PPP1R9A: variants seen among roughly 807,000 people sequenced by gnomAD.
PPP1R9A encodes neurabin-1.
Under a neutral mutation model 141.9 loss-of-function variants are expected in PPP1R9A, and 59 were observed. The observed-to-expected ratio is 0.42, with a 90% CI of 0.34 to 0.52. The LOEUF is 0.52. PPP1R9A is among the 20% of genes least tolerant of loss of function. PPP1R9A has a pLI of 0.10. For synonymous variants in PPP1R9A, 500 were observed against 569.7 expected (o/e 0.88, Z 1.74); for missense variants, 1,444 against 1,611.9 (o/e 0.90, Z 1.78).
chr7:94,977,115 G>C lies in PPP1R9A; in HGVS notation c.1395+65607G>C, dbSNP rs566282059. 4.6e-5 allele frequency among the ~76,000 whole-genome samples: 7 copies of C among 152,280 alleles called. No individual in the cohort carries two copies. The South Asian group carries it at 1.4e-3, about 32-fold the overall frequency. On this transcript the variant is annotated intron_variant, in intron 2 of 19. Transcript: ENST00000433360. ...CTGAAGGATATGGGGGCTTGTGGGAGTAAGAGGGGATCAAGGATATGGTTT... is the reference window on the plus strand; with the variant it reads ...CTGAAGGATATGGGGGCTTGTGGGACTAAGAGGGGATCAAGGATATGGTTT...
intron 7 of PPP1R9A, among the ~76,000 whole-genome samples, chr7:95,224,214 A>G (rs1794833264): frequency 6.6e-6 from 1 of 152,082 alleles, no homozygotes; most frequent in South Asian, 2.1e-4. Context: ...TACTCAGGAG[A>G]TACATAGGAT....
At chr7:95,098,367 A>T (rs1452303942) in intron 2 of PPP1R9A, 1 of 149,908 alleles carries the variant, frequency 6.7e-6, no homozygotes, top group Middle Eastern at 3.4e-3. Flanking sequence ...CTTTATGGAG[A>T]CTGAATAAAA....
chr7:95,138,305 A>T (rs572526237), intron 4 of PPP1R9A, among the ~76,000 whole-genome samples: 1 of 152,350 alleles, frequency 6.6e-6, no homozygotes, highest in Non-Finnish European at 1.5e-5. Flanking sequence ...GTGCTAGAAC[A>T]ATTAGATACC....
At chr7:95,007,961 A>G (rs1043432354) in intron 2 of PPP1R9A, among the ~76,000 whole-genome samples, 8 of 152,114 alleles carry the variant, frequency 5.3e-5, no homozygotes, top group Non-Finnish European at 8.8e-5. Context: ...AATCCCAGCT[A>G]CTCAGAAGGC....
Position 95,062,639 on chromosome 7 carries a change from C to T in PPP1R9A, c.1396-48620C>T, listed in dbSNP as rs182948009. On this transcript the variant is annotated intron_variant, in intron 2 of 19. Coordinates refer to ENST00000433360, the MANE Select transcript of PPP1R9A (RefSeq NM_001166160.2). ...CTGACCTCAGGTGATCTGCCCGCCT[C>T]GGCCTCCCAAAGTGCTGGGATTACA... Among the ~76,000 whole-genome samples the T allele has an allele frequency of 5.8e-3, 875 of 151,944 alleles. 9 individuals carry two copies. The highest frequency in any genetic ancestry group is 0.019 in the African/African-American group (806 of 41,444).
rs769502000 is a variant in PPP1R9A at position 94,910,897 on chromosome 7, A to G, written c.784A>G (p.Asn262Asp). The change falls in exon 2 of 20, where the codon AAC becomes GAC. Residue 262 changes from asparagine to aspartate, a missense_variant. Around this residue, in one of 5 missense-constraint regions of PPP1R9A, gnomAD observed 490 missense variants for 521.1 expected, o/e 0.94. Coordinates refer to ENST00000433360, the MANE Select transcript of PPP1R9A (RefSeq NM_001166160.2). The surrounding 1 kb of genome is among the most constrained non-coding windows in gnomAD (Gnocchi z 4.5). The part of the protein sequence containing the change: ...LKDSNSWPPS[N>D]KRGVDTEDAH... ...GGATTCTAATTCCTGGCCTCCTTCA[A>G]ACAAGCGAGGTGTTGATACAGAGGA... The G allele has an allele frequency of 6.2e-7, 1 of 1,614,076 alleles. No individual in the cohort carries two copies. The highest frequency in any genetic ancestry group is 2.2e-5 in the East Asian group (1 of 44,878).
chr7:95,118,819 A>AC (rs1326549542), intron 3 of PPP1R9A, among the ~76,000 whole-genome samples: 8 of 150,270 alleles, frequency 5.3e-5, no homozygotes, highest in Non-Finnish European at 1.0e-4. Context: ...AAAAAAAAAA[A>AC]AAAAACACAA....
intron 2 of PPP1R9A, among the ~76,000 whole-genome samples, chr7:95,055,168 A>T (rs770745853): frequency 6.6e-6 from 1 of 152,148 alleles, no homozygotes. Context: ...CATAAAATAA[A>T]TGTTTGGGAA....
intron 2 of PPP1R9A, among the ~76,000 whole-genome samples, chr7:95,105,946 A>G (rs1344945890): frequency 6.6e-6 from 1 of 152,134 alleles, no homozygotes; most frequent in Non-Finnish European, 1.5e-5. Flanking sequence ...CTAGTGGGTG[A>G]TATATTCAAA....
chr7:94,998,460 C>T (rs1036941126), intron 2 of PPP1R9A, among the ~76,000 whole-genome samples: 27 of 152,042 alleles, frequency 1.8e-4, no homozygotes, highest in Non-Finnish European at 3.5e-4. Flanking sequence ...GAAATAAGAC[C>T]TCTTATATCC....
intron 2 of PPP1R9A, among the ~76,000 whole-genome samples, chr7:95,034,345 ATATTC>A (rs953824776): frequency 2.0e-5 from 3 of 152,152 alleles, no homozygotes; most frequent in African/African-American, 7.2e-5. Context: ...AATTAAAAAA[ATATTC>A]TAAGCAATAC....
At chr7:95,168,273 CCAAGA>C (rs1265543211) in intron 5 of PPP1R9A, among the ~76,000 whole-genome samples, 1 of 151,912 alleles carries the variant, frequency 6.6e-6, no homozygotes, top group East Asian at 1.9e-4. Flanking sequence ...GACAAAGACA[CCAAGA>C]ACATACATTG....
chr7:94,953,422 G>C (rs1796702726), intron 2 of PPP1R9A, among the ~76,000 whole-genome samples: 1 of 152,080 alleles, frequency 6.6e-6, no homozygotes, highest in Non-Finnish European at 1.5e-5. Flanking sequence ...TTTTTGCTTA[G>C]GATTGTCTTG....
At chr7:95,252,759 C>T (rs189946068) in intron 12 of PPP1R9A, among the ~76,000 whole-genome samples, 7 of 152,222 alleles carry the variant, frequency 4.6e-5, no homozygotes, top group East Asian at 1.9e-4. Flanking sequence ...TGAGCCACCG[C>T]GCCCAGCCAA....
chr7:95,218,128 A>G (rs1270819056), intron 7 of PPP1R9A, among the ~76,000 whole-genome samples: 1 of 152,084 alleles, frequency 6.6e-6, no homozygotes, highest in Non-Finnish European at 1.5e-5. Flanking sequence ...ATTTCCTTCT[A>G]CACACTGCAA....
At chr7:95,177,535 A>G (rs1444508642) in intron 5 of PPP1R9A, among the ~76,000 whole-genome samples, 2 of 152,140 alleles carry the variant, frequency 1.3e-5, no homozygotes, top group Non-Finnish European at 2.9e-5. Context: ...ACACATCTCA[A>G]TACTAACATT....
chr7:94,961,373 G>T (rs933468102), intron 2 of PPP1R9A, among the ~76,000 whole-genome samples: 2 of 151,378 alleles, frequency 1.3e-5, no homozygotes, highest in African/African-American at 4.8e-5. Context: ...CCAGTAGGTT[G>T]AGTATACTAG....
intron 2 of PPP1R9A, among the ~76,000 whole-genome samples, chr7:94,997,677 C>T (rs1802368708): frequency 6.6e-6 from 1 of 152,134 alleles, no homozygotes; most frequent in African/African-American, 2.4e-5. Flanking sequence ...GAATTTTCTC[C>T]TCTGTGTATA....
intron 8 of PPP1R9A, among the ~76,000 whole-genome samples, chr7:95,226,914 A>G (rs866788978): frequency 6.6e-6 from 1 of 152,228 alleles, no homozygotes; most frequent in African/African-American, 2.4e-5. Flanking sequence ...AGTGATTAAT[A>G]GGTCCCAAAG....
Sources: allele counts gnomAD v4.1 joint callset (sites outside exome capture counted in the v4.1 genomes callset), GRCh38; gene constraint gnomAD v4.1.1; regional missense constraint gnomAD v4.1.1; non-coding constraint Gnocchi (gnomAD v3.1); transcripts MANE v1.5; gene names NCBI Gene and HGNC (gene_info 2026-07-23, HGNC 2026-07-21).